Variants in DCTN1 observed in about 807,000 individuals in gnomAD.
DCTN1 encodes 150 kDa dynein-associated polypeptide.
A neutral mutation model predicts 161.2 loss-of-function variants in DCTN1; 61 were observed. That is an observed-to-expected ratio of 0.38 (90% CI 0.31 to 0.47). DCTN1 has a LOEUF of 0.47. DCTN1 is among the 20% of genes least tolerant of loss of function. The pLI is 0.99. For missense variants in DCTN1, 1,404 were observed against 1,623.7 expected, an observed-to-expected ratio of 0.86 and a Z score of 2.33; for synonymous variants, 653 against 632.4, an observed-to-expected ratio of 1.03 and a Z score of -0.49.
chr2:74,374,891 T>C (rs906513184), intron 5 of DCTN1, among the ~76,000 whole-genome samples: 3 of 152,120 alleles, frequency 2.0e-5, no homozygotes, highest in Non-Finnish European at 4.4e-5. Flanking sequence ...TCCAAAAAAC[T>C]GGGCCAGGGG....
rs954787850 is a variant in DCTN1, at chr2:74,367,117, T to C, written c.2254-10A>G. ...GAGCACTCTGCGTGAACTGTGAGGA[T>C]AGAAGCATGCAATCATCAGCCCCCA... is the stretch of plus-strand genomic sequence containing the variant. On this transcript the variant is annotated splice_polypyrimidine_tract_variant and intron_variant, in intron 19 of 31. Transcript: ENST00000628224. 6.8e-6 allele frequency: 11 copies of C among 1,614,040 alleles called. No individual in the cohort carries two copies. Among genetic ancestry groups the C allele is most frequent in the Non-Finnish European group, 8.5e-6 (10 of 1,180,024 alleles).
rs757668957 is a variant in DCTN1 at position 74,365,114 on chromosome 2, G to A, written c.3157C>T (p.Pro1053Ser). The change falls in exon 26 of 32, where the codon CCT becomes TCT. Residue 1053 changes from proline (P) to serine (S), a missense_variant. Transcript: ENST00000628224. ...GAGACCAGAGTAGCAATGCCTGAAG[G>A]AGGAGGGCCCCGGAGTCCCTCAATC... The part of the protein sequence containing the change: ...RTIEGLRGPP[P>S]SGIATLVSGI... 6.2e-7 allele frequency: 1 copy of A among 1,614,182 alleles called. No homozygotes were observed. Among genetic ancestry groups the A allele is most frequent in the Non-Finnish European group, 8.5e-7 (1 of 1,180,042 alleles).
At chr2:74,362,767 C>T (rs1401097077) in intron 29 of DCTN1, 38 bp from the exon 30 acceptor site, 1 of 1,598,808 alleles carries the variant, frequency 6.3e-7, no homozygotes, top group Non-Finnish European at 8.6e-7. Flanking sequence ...CACCAAGGCG[C>T]AGGCAGGCAG....
intron 1 of DCTN1, chr2:74,390,701 G>A (rs988485520): frequency 2.1e-5 from 9 of 433,382 alleles, no homozygotes. Context: ...GTGTTCCATG[G>A]GCCAGCAGCA....
At chr2:74,382,839 G>A (rs1429431850), upstream of DCTN1, among the ~76,000 whole-genome samples, 2 of 151,948 alleles carry the variant, frequency 1.3e-5, no homozygotes, top group African/African-American at 4.8e-5. Flanking sequence ...TTGGGAGGCC[G>A]AGGCGGGTGG....
At chr2:74,391,304 TG>T (rs1444663050) in intron 1 of DCTN1, 1 of 165,650 alleles carries the variant, frequency 6.0e-6, no homozygotes, top group East Asian at 1.8e-4. Context: ...GATTTAGCTG[TG>T]GTTCTGTCTA....
Position 74,369,370 on chromosome 2 carries a change from G to C in DCTN1, c.1514C>G (p.Ala505Gly), listed in dbSNP as rs1674660307. 6.2e-7 allele frequency: 1 copy of C among 1,614,086 alleles called. No homozygotes were observed. The highest frequency in any genetic ancestry group is 8.5e-7 in the Non-Finnish European group (1 of 1,180,054). Residue 505 changes from alanine (A) to glycine (G), a missense_variant, in exon 14 of 32, where the codon GCA (alanine) becomes GGA (glycine). Physicochemically the swap from Ala to Gly is moderately conservative, Grantham distance 60. Transcript: ENST00000628224. The surrounding 1 kb of genome is among the most constrained non-coding windows in gnomAD (Gnocchi z 4.9). The part of the protein sequence containing the change: ...RVREAQKRVE[A>G]AQETVADYQQ... ...GTAGTCTGCAACCGTCTCCTGGGCT[G>C]CCTCCACACGCTTCTGGGCCTCACG...
At position 74,369,291 on chromosome 2, in the gene DCTN1, G is replaced by A. The variant is rs751116557; in HGVS notation, c.1584+9C>T. On this transcript the variant is annotated intron_variant, in intron 14 of 31. Transcript: ENST00000628224. The surrounding 1 kb of genome is among the most constrained non-coding windows in gnomAD (Gnocchi z 4.9). ...GATGGTGGGCAGAGAGCAAACAGTGGGCATGTACCTGTAGATGGGCGGTCA... is the reference window on the plus strand; with the variant it reads ...GATGGTGGGCAGAGAGCAAACAGTGAGCATGTACCTGTAGATGGGCGGTCA... 3 of 1,614,162 alleles carry A rather than the reference G, an allele frequency of 1.9e-6. No individual in the cohort carries two copies. In the Admixed American group the frequency reaches 5.0e-5, roughly 27 times the overall value.
rs1675241073 is a variant in DCTN1 at position 74,376,616 on chromosome 2, A to T, written c.414+126T>A. Reference sequence around the variant, plus strand: ...AGGAACTCTGAAAGCCAAGGCCACCATTTCCTCTGGCCATCCCAGCCCAAG... The same window carrying T: ...AGGAACTCTGAAAGCCAAGGCCACCTTTTCCTCTGGCCATCCCAGCCCAAG... On this transcript the variant is annotated intron_variant, in intron 5 of 31. Coordinates refer to ENST00000628224, the MANE Select transcript of DCTN1 (RefSeq NM_004082.5). 8.7e-6 allele frequency: 8 copies of T among 919,930 alleles called. No homozygotes were observed. In the East Asian group the frequency reaches 2.1e-4, roughly 24 times the overall value. The allele number at this position is 919,930 out of a possible 1,614,324, so 57.0% of individuals were successfully genotyped here.
chr2:74,362,585 C>A, intron 30 of DCTN1, 65 bp downstream of exon 30: 1 of 1,549,710 alleles, frequency 6.5e-7, no homozygotes, highest in South Asian at 1.2e-5. Flanking sequence ...CAGAGGAACT[C>A]CACAAGTGCC....
rs995293657 is a variant in DCTN1, at chr2:74,370,856, C to A, written c.844-31G>T. 7 of 1,613,910 alleles carry A rather than the reference C, an allele frequency of 4.3e-6. No individual in the cohort carries two copies. The highest frequency in any genetic ancestry group is 3.3e-5 in the South Asian group (3 of 91,070). On this transcript the variant is annotated intron_variant, in intron 9 of 31. Coordinates refer to ENST00000628224, the MANE Select transcript of DCTN1 (RefSeq NM_004082.5). The surrounding 1 kb of genome is among the most constrained non-coding windows in gnomAD (Gnocchi z 4.4). Reference sequence around the variant, plus strand: ...GAAGAAGTGGAGGTGGGAGGGGGTACCAGCACAGAGATGCCCCAGGCCTTT... The same window carrying A: ...GAAGAAGTGGAGGTGGGAGGGGGTAACAGCACAGAGATGCCCCAGGCCTTT...
intron 7 of DCTN1, 113 bp from the exon 8 acceptor site, chr2:74,371,841 A>G (rs1674882330): frequency 2.0e-5 from 17 of 859,160 alleles, no homozygotes; most frequent in African/African-American, 1.2e-4. Flanking sequence ...AAAGGGAAAA[A>G]GCAGAAAGAG....
chr2:74,365,648 G>A lies in DCTN1; in HGVS notation c.2896C>T (p.Leu966=). 2.5e-6 allele frequency: 4 copies of A among 1,614,056 alleles called. No homozygotes were observed. The highest frequency in any genetic ancestry group is 3.4e-6 in the Non-Finnish European group (4 of 1,180,024). Residue 966 remains leucine, a synonymous_variant, in exon 25 of 32, where the codon CTA becomes TTA. Transcript: ENST00000628224. The part of the protein sequence containing the change: ...KKSLKIKGEE[L]SEANVRLSLL... ...CTCAGCCGCACATTGGCCTCACTTAGCTCCTCTCCCTGGACAAGGACAGAA... is the reference window on the plus strand; with the variant it reads ...CTCAGCCGCACATTGGCCTCACTTAACTCCTCTCCCTGGACAAGGACAGAA...
At chr2:74,373,192 C>T (rs1558944985) in intron 6 of DCTN1, 4 of 591,544 alleles carry the variant, frequency 6.8e-6, no homozygotes, top group Non-Finnish European at 9.2e-6. Context: ...TCCTTGCAGG[C>T]CTCACCCCTT....
In DCTN1 at chr2:74,376,736, C is replaced by T. The variant is rs767853891; in HGVS notation, c.414+6G>A. 3.1e-6 allele frequency: 5 copies of T among 1,604,434 alleles called. No individual in the cohort carries two copies. The highest frequency in any genetic ancestry group is 4.3e-6 in the Non-Finnish European group (5 of 1,175,642). On this transcript the variant is annotated splice_donor_region_variant and intron_variant, in intron 5 of 31. Transcript: ENST00000628224. The stretch of plus-strand genomic sequence containing the variant: ...TCCACCCAGGCACAAATAGTAAACA[C>T]ACCACCTTCTTAGGCTTCAGTCCCC...
chr2:74,366,564 C>A lies in DCTN1; in HGVS notation c.2523G>T (p.Leu841=), dbSNP rs199501797. The A allele has an allele frequency of 6.8e-5, 110 of 1,613,734 alleles. 2 individuals are homozygous for A. In the East Asian group the frequency reaches 2.4e-3, roughly 36 times the overall value. ...GGGCAGCAGCAGCTGCCACCTCCTGCAGCACAGCCACGACCCACGTCAAGT... is the reference window on the plus strand; with the variant it reads ...GGGCAGCAGCAGCTGCCACCTCCTGAAGCACAGCCACGACCCACGTCAAGT... ...RKHLTWVVAV[L]QEVAAAAAQL... is the part of the protein sequence containing the mutation. The change falls in exon 22 of 32, where the codon CTG becomes CTT. Residue 841 remains leucine, a synonymous_variant. Coordinates refer to ENST00000628224, the MANE Select transcript of DCTN1 (RefSeq NM_004082.5).
intron 16 of DCTN1, 86 bp downstream of exon 16, chr2:74,368,640 ACT>A (rs1674600766): frequency 6.3e-7 from 1 of 1,579,076 alleles, no homozygotes; most frequent in Non-Finnish European, 8.7e-7. Context: ...GTGGGCAGAG[ACT>A]CTGTTGTCTT....
chr2:74,385,140 T>C (rs1675673339), upstream of DCTN1: 1 of 152,068 alleles, frequency 6.6e-6, no homozygotes, highest in Non-Finnish European at 1.5e-5. Flanking sequence ...TAAAAAAACG[T>C]CTACAAACCC....
intron 1 of DCTN1, among the ~76,000 whole-genome samples, chr2:74,389,728 C>A (rs1675906861): frequency 6.6e-6 from 1 of 152,174 alleles, no homozygotes; most frequent in Admixed American, 6.5e-5. Context: ...TTTGGTGCAT[C>A]ATCTACAAAA....
Sources: gnomAD v4.1 joint callset for allele counts (sites outside exome capture counted in the v4.1 genomes callset) on GRCh38, gnomAD v4.1.1 for gene constraint, Gnocchi (gnomAD v3.1) non-coding constraint, MANE v1.5 for transcripts, NCBI Gene and HGNC (gene_info 2026-07-23, HGNC 2026-07-21) for gene names.